The following USH2A variants were observed in gnomAD, a reference collection of about 807,000 sequenced individuals.
USH2A encodes usherin, also known as Usher syndrome 2A (autosomal recessive, mild).
Under a neutral mutation model 538.9 loss-of-function variants are expected in USH2A, and 443 were observed. That is an observed-to-expected ratio of 0.82 (90% CI 0.76 to 0.89). The LOEUF (loss-of-function observed/expected upper bound fraction) is 0.89, where lower values mean the gene tolerates loss of function less well. USH2A is among the 40% of genes least tolerant of loss of function. The pLI is 0.00. For missense variants in USH2A, 6,633 were observed against 6,324.8 expected (o/e 1.05, Z -1.65); for synonymous variants, 2,413 against 2,273.5 (o/e 1.06, Z -1.75).
At chr1:215,755,742 C>T (rs986342299) in intron 58 of USH2A, among the ~76,000 whole-genome samples, 10 of 152,120 alleles carry the variant, frequency 6.6e-5, no homozygotes, top group Non-Finnish European at 1.5e-4. Flanking sequence ...TCTACAATAT[C>T]CCCTAGGCTG....
chr1:216,103,211 G>A (rs1440059578), intron 21 of USH2A, among the ~76,000 whole-genome samples: 4 of 152,240 alleles, frequency 2.6e-5, no homozygotes, highest in Non-Finnish European at 5.9e-5. Context: ...GGGCCCAGTA[G>A]TGTTCTATTT....
chr1:215,878,224 T>C (rs1287555243), intron 42 of USH2A, among the ~76,000 whole-genome samples: 3 of 152,208 alleles, frequency 2.0e-5, no homozygotes, highest in African/African-American at 7.2e-5. Context: ...TGGTTTCCTA[T>C]GACTATCAAT....
chr1:216,186,412 T>C (rs2034605108), intron 20 of USH2A, among the ~76,000 whole-genome samples: 1 of 151,796 alleles, frequency 6.6e-6, no homozygotes, highest in South Asian at 2.1e-4. Context: ...GCAGACAATA[T>C]TCTCCTTCTA....
rs1192104058 is a variant in USH2A at position 215,798,988 on chromosome 1, T to C, written c.9877A>G (p.Lys3293Glu). The change falls in exon 50 of 72, where the codon AAG becomes GAG. Residue 3293 changes from lysine to glutamate, a missense_variant. Transcript: ENST00000307340. ...CTCACAATCTGTCTGCCACAGCACT[T>C]CTGGCCATGGCCATCATGAAGCCTC... ...AGRLHDGHGQ[K>E]CCGRQIVSND... 6.2e-7 allele frequency: 1 copy of C among 1,614,016 alleles called. No homozygotes were observed. The highest frequency in any genetic ancestry group is 2.2e-5 in the East Asian group (1 of 44,872).
intron 60 of USH2A, among the ~76,000 whole-genome samples, chr1:215,733,842 T>C (rs1272559763): frequency 6.6e-6 from 1 of 152,206 alleles, no homozygotes; most frequent in African/African-American, 2.4e-5. Flanking sequence ...TTCAACCCTG[T>C]GGTTTTGCAG....
chr1:215,940,610 A>G (rs1013955271), intron 37 of USH2A, among the ~76,000 whole-genome samples: 6 of 152,114 alleles, frequency 3.9e-5, no homozygotes, highest in African/African-American at 1.4e-4. Context: ...AATGTATAAA[A>G]TATTTATGGA....
intron 41 of USH2A, among the ~76,000 whole-genome samples, chr1:215,880,891 G>A (rs1431463992): frequency 6.6e-6 from 1 of 152,084 alleles, no homozygotes; most frequent in Non-Finnish European, 1.5e-5. Context: ...ATGGTTATAG[G>A]TCTAACATTT....
chr1:215,838,855 A>G (rs1372513228), intron 46 of USH2A, among the ~76,000 whole-genome samples: 1 of 152,230 alleles, frequency 6.6e-6, no homozygotes, highest in Non-Finnish European at 1.5e-5. Context: ...TAAAGGATAA[A>G]CCAAAGAGAA....
intron 70 of USH2A, among the ~76,000 whole-genome samples, chr1:215,631,314 T>A (rs1230155561): frequency 6.6e-6 from 1 of 151,954 alleles, no homozygotes; most frequent in Non-Finnish European, 1.5e-5. Context: ...TCTGGAAAAC[T>A]GAGCAGGTGA....
chr1:216,420,895 A>C (rs765484863), intron 2 of USH2A, among the ~76,000 whole-genome samples: 5 of 152,182 alleles, frequency 3.3e-5, no homozygotes, highest in Non-Finnish European at 7.4e-5. Flanking sequence ...AAAACATTTA[A>C]GTCCTATTTG....
rs1269441158 is a variant in USH2A at position 215,934,722 on chromosome 1, G to A, written c.7194C>T (p.Leu2398=). 29 of 1,612,868 alleles carry A rather than the reference G, an allele frequency of 1.8e-5. No individual in the cohort carries two copies. The highest frequency in any genetic ancestry group is 2.5e-5 in the Non-Finnish European group (29 of 1,179,222). Residue 2398 remains leucine, a synonymous_variant, in exon 38 of 72, where the codon CTC becomes CTT. Coordinates refer to ENST00000307340, the MANE Select transcript of USH2A (RefSeq NM_206933.4). ...YSGEETNLWV[L]IDGLVPFTNY... is the part of the protein sequence containing the mutation. ...TGGTAAAAGGAACCAGCCCATCGATGAGCACCCAAAGGTTTGTCTCTTCTC... is the reference window on the plus strand; with the variant it reads ...TGGTAAAAGGAACCAGCCCATCGATAAGCACCCAAAGGTTTGTCTCTTCTC...
At chr1:215,824,317 T>C (rs532162878) in intron 47 of USH2A, among the ~76,000 whole-genome samples, 4 of 152,124 alleles carry the variant, frequency 2.6e-5, no homozygotes, top group Admixed American at 1.3e-4. Flanking sequence ...TTCTTAGGTA[T>C]GTTTGCATAG....
At chr1:215,931,668 A>G (rs1666366654) in intron 38 of USH2A, among the ~76,000 whole-genome samples, 1 of 152,004 alleles carries the variant, frequency 6.6e-6, no homozygotes, top group South Asian at 2.1e-4. Context: ...CTTAAAATTT[A>G]AAACAAGTCG....
intron 14 of USH2A, among the ~76,000 whole-genome samples, chr1:216,220,912 A>T (rs2035446244): frequency 6.6e-6 from 1 of 152,180 alleles, no homozygotes. Flanking sequence ...AAGGAGAAAG[A>T]GATCTCCAAT....
chr1:216,144,054 T>A (rs1387645969), intron 21 of USH2A, among the ~76,000 whole-genome samples: 1 of 152,226 alleles, frequency 6.6e-6, no homozygotes, highest in Non-Finnish European at 1.5e-5. Flanking sequence ...CAGATTGGAT[T>A]TAAAGGGATC....
intron 30 of USH2A, among the ~76,000 whole-genome samples, chr1:216,050,088 T>A (rs912576879): frequency 6.6e-6 from 1 of 152,262 alleles, no homozygotes; most frequent in African/African-American, 2.4e-5. Flanking sequence ...ATCTCCCAGA[T>A]CATGACCTAC....
At chr1:216,366,578 A>C (rs1451095082) in intron 3 of USH2A, among the ~76,000 whole-genome samples, 1 of 151,570 alleles carries the variant, frequency 6.6e-6, no homozygotes, top group African/African-American at 2.4e-5. Flanking sequence ...AATCTTTTTC[A>C]ATGTCCCCCC....
intron 27 of USH2A, among the ~76,000 whole-genome samples, chr1:216,077,471 T>C (rs925974924): frequency 1.3e-5 from 2 of 151,136 alleles, no homozygotes; most frequent in Non-Finnish European, 3.0e-5. Context: ...TTGATATTTT[T>C]TACTAGTTAT....
intron 5 of USH2A, among the ~76,000 whole-genome samples, chr1:216,326,260 G>C (rs2037733254): frequency 6.6e-6 from 1 of 152,174 alleles, no homozygotes; most frequent in African/African-American, 2.4e-5. Flanking sequence ...ACCAGAATTA[G>C]TCATTCTATT....
Sources: allele counts gnomAD v4.1 joint callset (sites outside exome capture counted in the v4.1 genomes callset), GRCh38; gene constraint gnomAD v4.1.1; transcripts MANE v1.5; gene names NCBI Gene and HGNC (gene_info 2026-07-23, HGNC 2026-07-21).